The following GRIK4 variants were observed in gnomAD, a reference collection of about 807,000 sequenced individuals.
GRIK4 encodes glutamate ionotropic receptor kainate type subunit 4, also known as glutamate receptor ionotropic, kainate 4.
Under a neutral mutation model 104.9 loss-of-function variants are expected in GRIK4, and 40 were observed. The observed-to-expected ratio is 0.38, with a 90% CI of 0.30 to 0.50. The LOEUF is 0.50. GRIK4 is among the 20% of genes least tolerant of loss of function. GRIK4 has a pLI of 0.93. For synonymous variants in GRIK4, 485 were observed against 524.9 expected (o/e 0.92, Z 1.04); for missense variants, 1,047 against 1,308.1 (o/e 0.80, Z 3.08).
chr11:120,855,416 G>A (rs980036130), intron 8 of GRIK4, among the ~76,000 whole-genome samples: 21 of 152,186 alleles, frequency 1.4e-4, no homozygotes, highest in Non-Finnish European at 2.2e-4. Context: ...TTTGCCTGGC[G>A]CACAGTTGGT....
intron 13 of GRIK4, among the ~76,000 whole-genome samples, chr11:120,927,494 G>A (rs968283947): frequency 2.7e-5 from 4 of 147,396 alleles, no homozygotes; most frequent in African/African-American, 5.0e-5. Context: ...TTGAACCTGA[G>A]AGGCGGAGGT....
intron 3 of GRIK4, among the ~76,000 whole-genome samples, chr11:120,686,834 A>G (rs10790401): frequency 0.55 from 83,178 of 152,154 alleles, 23,612 homozygotes; most frequent in African/African-American, 0.7. Context: ...AGAGCAGCGG[A>G]AAAAGCTAGT....
chr11:120,919,128 T>C (rs1380677428), intron 13 of GRIK4, among the ~76,000 whole-genome samples: 2 of 152,142 alleles, frequency 1.3e-5, no homozygotes, highest in Non-Finnish European at 2.9e-5. Flanking sequence ...CAGACCTTGA[T>C]AGACAAGTAG....
At chr11:120,713,144 A>G (rs1347424910) in intron 3 of GRIK4, among the ~76,000 whole-genome samples, 1 of 152,238 alleles carries the variant, frequency 6.6e-6, no homozygotes, top group Non-Finnish European at 1.5e-5. Flanking sequence ...ATGAAAAAAC[A>G]AAGCTCATGT....
chr11:120,574,269 G>T (rs1948447618), intron 1 of GRIK4, among the ~76,000 whole-genome samples: 1 of 152,196 alleles, frequency 6.6e-6, no homozygotes, highest in African/African-American at 2.4e-5. Context: ...CGATCACGTC[G>T]CTGGGCTGGA....
At chr11:120,545,659 C>T (rs1338739479) in intron 1 of GRIK4, among the ~76,000 whole-genome samples, 3 of 152,204 alleles carry the variant, frequency 2.0e-5, no homozygotes, top group Non-Finnish European at 4.4e-5. Context: ...CTCTTAACTA[C>T]CTCTGTCTTG....
chr11:120,554,465 A>T (rs1948168632), intron 1 of GRIK4, among the ~76,000 whole-genome samples: 2 of 150,282 alleles, frequency 1.3e-5, no homozygotes, highest in South Asian at 2.1e-4. Flanking sequence ...TTCTCTCCAC[A>T]CTCCCCAAAC....
intron 13 of GRIK4, among the ~76,000 whole-genome samples, chr11:120,932,225 G>A (rs867806389): frequency 1.4e-5 from 2 of 141,000 alleles, no homozygotes; most frequent in African/African-American, 5.3e-5. Flanking sequence ...ATTTTTTGCT[G>A]TCAGAGACTG....
At chr11:120,815,831 C>T (rs1036332888) in intron 5 of GRIK4, among the ~76,000 whole-genome samples, 2 of 152,142 alleles carry the variant, frequency 1.3e-5, no homozygotes, top group African/African-American at 2.4e-5. Flanking sequence ...CGTCCACTCT[C>T]GTGTCCACGT....
intron 1 of GRIK4, among the ~76,000 whole-genome samples, chr11:120,604,430 A>G (rs967640366): frequency 2.6e-5 from 4 of 152,212 alleles, no homozygotes; most frequent in Non-Finnish European, 5.9e-5. Flanking sequence ...CGTTTGGACA[A>G]AGCTAACTAT....
At chr11:120,974,115 C>T (rs1371678041) in intron 19 of GRIK4, among the ~76,000 whole-genome samples, 9 of 152,020 alleles carry the variant, frequency 5.9e-5, no homozygotes, top group East Asian at 1.9e-4. Context: ...ACCATGTTGG[C>T]CAGGCTGGTC....
At chr11:120,662,747 C>T (rs1230953124) in intron 3 of GRIK4, among the ~76,000 whole-genome samples, 6 of 152,050 alleles carry the variant, frequency 3.9e-5, no homozygotes, top group African/African-American at 1.4e-4. Context: ...CTGGGGTTTT[C>T]CCCAACCCCA....
intron 1 of GRIK4, among the ~76,000 whole-genome samples, chr11:120,643,923 C>T (rs1023020600): frequency 7.2e-5 from 11 of 151,998 alleles, no homozygotes; most frequent in Admixed American, 7.2e-4. Context: ...CCTGAGCTGC[C>T]TACTGCTTAG....
intron 13 of GRIK4, among the ~76,000 whole-genome samples, chr11:120,912,616 G>A (rs1055868778): frequency 2.0e-5 from 3 of 152,206 alleles, no homozygotes; most frequent in Admixed American, 2.0e-4. Flanking sequence ...TTGTGAACAA[G>A]AAGAGTGAGC....
In GRIK4 at chr11:120,986,429, C is replaced by T. The variant is rs1189948422; in HGVS notation, c.*169C>T. The T allele has an allele frequency of 1.0e-6, 1 of 952,790 alleles. No individual in the cohort carries two copies. The highest frequency in any genetic ancestry group is 1.5e-6 in the Non-Finnish European group (1 of 686,822). The allele number at this position is 952,790 out of a possible 1,614,324, so 59.0% of individuals were successfully genotyped here. Reference sequence around the variant, plus strand: ...AGGAGCCTGACGCCCCAGCCAGAGACCGCGCCCGGTCAGGGAGCAGGGTCC... The same window carrying T: ...AGGAGCCTGACGCCCCAGCCAGAGATCGCGCCCGGTCAGGGAGCAGGGTCC... On this transcript the variant is annotated 3_prime_UTR_variant, in exon 21 of 21. Transcript: ENST00000527524.
At chr11:120,933,943 A>G (rs1253375657) in intron 13 of GRIK4, among the ~76,000 whole-genome samples, 2 of 152,070 alleles carry the variant, frequency 1.3e-5, no homozygotes, top group African/African-American at 2.4e-5. Context: ...GGTGGCTCAC[A>G]CCTGTAATCC....
In GRIK4 at chr11:120,520,974, C is replaced by T. The variant is rs141369079; in HGVS notation, c.-159+9087C>T. On this transcript the variant is annotated intron_variant, in intron 1 of 20. Coordinates refer to ENST00000527524, the MANE Select transcript of GRIK4 (RefSeq NM_014619.5). ...TAAAGAAGACAAAAGTGGGTTTGGGCGGGGCACGGGATATGCAGAAGACCC... is the reference window on the plus strand; with the variant it reads ...TAAAGAAGACAAAAGTGGGTTTGGGTGGGGCACGGGATATGCAGAAGACCC... Among the ~76,000 whole-genome samples, 585 of 152,228 alleles carry T rather than the reference C, an allele frequency of 3.8e-3. 3 individuals carry two copies. The highest frequency in any genetic ancestry group is 3.4e-3 in the Non-Finnish European group (233 of 68,004).
chr11:120,829,941 C>T (rs989174963), intron 6 of GRIK4, among the ~76,000 whole-genome samples: 1 of 152,164 alleles, frequency 6.6e-6, no homozygotes, highest in African/African-American at 2.4e-5. Flanking sequence ...AAGTCTCCAT[C>T]GAAACCCTGT....
At chr11:120,944,206 T>C (rs1283951089) in intron 14 of GRIK4, among the ~76,000 whole-genome samples, 1 of 127,834 alleles carries the variant, frequency 7.8e-6, no homozygotes, top group African/African-American at 2.9e-5. Context: ...CTTCTTTCTC[T>C]CTCTCTCTCT....
Sources: gnomAD v4.1 joint callset for allele counts (sites outside exome capture counted in the v4.1 genomes callset) on GRCh38, gnomAD v4.1.1 for gene constraint, MANE v1.5 for transcripts, NCBI Gene and HGNC (gene_info 2026-07-23, HGNC 2026-07-21) for gene names.